DTNBP1: variants seen among roughly 807,000 people sequenced by gnomAD.
DTNBP1 encodes the protein dysbindin.
DTNBP1 carries 35 observed loss-of-function variants against 42.8 expected under a neutral mutation model. That is an observed-to-expected ratio of 0.82 (90% CI 0.63 to 1.09). DTNBP1 has a LOEUF of 1.09. Ranked by LOEUF, DTNBP1 falls within the 50% of genes least tolerant of loss-of-function variation. The probability of loss-of-function intolerance (pLI) is 0.00; values close to 1 mark genes in which losing one functional copy is unlikely to be tolerated. For synonymous variants in DTNBP1, 171 were observed against 162.2 expected (o/e 1.05, Z -0.41); for missense variants, 457 against 424.2 (o/e 1.08, Z -0.68).
intron 7 of DTNBP1, among the ~76,000 whole-genome samples, chr6:15,589,791 G>A (rs952103397): frequency 6.6e-6 from 1 of 151,912 alleles, no homozygotes; most frequent in African/African-American, 2.4e-5. Flanking sequence ...ATTTTCTTTG[G>A]TATCATAATG....
chr6:15,644,652 G>A (rs948668373), intron 3 of DTNBP1, among the ~76,000 whole-genome samples: 1 of 151,990 alleles, frequency 6.6e-6, no homozygotes, highest in Non-Finnish European at 1.5e-5. Flanking sequence ...CAAGTATATG[G>A]AAACTAAACA....
chr6:15,660,571 T>C (rs1304914241), intron 1 of DTNBP1: 1 of 1,287,312 alleles, frequency 7.8e-7, no homozygotes, highest in Non-Finnish European at 1.0e-6. Context: ...TCTCAGGATG[T>C]CTAGCTCCAA....
chr6:15,537,047 G>A (rs1055988471), intron 7 of DTNBP1, among the ~76,000 whole-genome samples: 9 of 152,208 alleles, frequency 5.9e-5, no homozygotes, highest in Non-Finnish European at 1.2e-4. Context: ...TTGTATCTTG[G>A]AAGTAACTAA....
chr6:15,620,066 C>A (rs1009140515), intron 5 of DTNBP1, among the ~76,000 whole-genome samples: 1 of 152,070 alleles, frequency 6.6e-6, no homozygotes, highest in Non-Finnish European at 1.5e-5. Context: ...AATTTGATGA[C>A]AAGCAGTTTA....
At chr6:15,593,130 C>G in intron 6 of DTNBP1, 49 bp from the exon 7 acceptor site, 16 of 1,505,070 alleles carry the variant, frequency 1.1e-5, no homozygotes, top group Non-Finnish European at 1.4e-5. Flanking sequence ...TAAAAATCTC[C>G]CCAATGAAAA....
Position 15,587,760 on chromosome 6 carries a change from A to AT in DTNBP1, c.511+5298_511+5299insA, listed in dbSNP as rs1776139051. On this transcript the variant is annotated intron_variant, in intron 7 of 9. Transcript: ENST00000344537. The surrounding 1 kb of genome is among the most constrained non-coding windows in gnomAD (Gnocchi z 4.1). ...GACAACTGAATATCGATACGTAAAA[A>AT]AATGAAGGTAGACTTTTAACTCACA... 1.3e-5 allele frequency among the ~76,000 whole-genome samples: 2 copies of AT among 152,226 alleles called. No homozygotes were observed. The highest frequency in any genetic ancestry group is 4.8e-5 in the African/African-American group (2 of 41,448).
intron 3 of DTNBP1, among the ~76,000 whole-genome samples, chr6:15,645,192 A>G (rs1339404420): frequency 6.6e-6 from 1 of 152,072 alleles, no homozygotes; most frequent in Admixed American, 6.6e-5. Context: ...GAAATGGATT[A>G]ATTCCTAGAA....
intron 7 of DTNBP1, among the ~76,000 whole-genome samples, chr6:15,566,707 T>C (rs1459543472): frequency 6.6e-6 from 1 of 151,084 alleles, no homozygotes; most frequent in Non-Finnish European, 1.5e-5. Flanking sequence ...TCTCCTTTTT[T>C]TTTTTTTTTT....
intron 7 of DTNBP1, among the ~76,000 whole-genome samples, chr6:15,574,110 C>T (rs1441631308): frequency 6.6e-6 from 1 of 152,220 alleles, no homozygotes; most frequent in Non-Finnish European, 1.5e-5. Context: ...AACAGATACA[C>T]ACACCAGAAC....
At chr6:15,583,041 G>C (rs2113584194) in intron 7 of DTNBP1, among the ~76,000 whole-genome samples, 1 of 152,252 alleles carries the variant, frequency 6.6e-6, no homozygotes, top group Admixed American at 6.5e-5. Context: ...ATGCAGTGGT[G>C]CCATCATAGC....
chr6:15,533,283 C>G lies in DTNBP1; in HGVS notation c.624G>C (p.Glu208Asp). ...FFEEAFQQDM[E>D]QYLSTGYLQI... ...GCAGGTAGCCAGTGGACAGGTACTG[C>G]TCCATGTCCTGCTGGAAGGCTTCCT... Residue 208 changes from glutamate (E) to aspartate (D), a missense_variant, in exon 8 of 10, where the codon GAG becomes GAC. By Grantham distance (45) the Glu-to-Asp change is conservative (BLOSUM62 2). Coordinates refer to ENST00000344537, the MANE Select transcript of DTNBP1 (RefSeq NM_032122.5). 6.2e-7 allele frequency: 1 copy of G among 1,614,194 alleles called. No individual in the cohort carries two copies. The highest frequency in any genetic ancestry group is 8.5e-7 in the Non-Finnish European group (1 of 1,180,032).
At chr6:15,661,039 C>G (rs1299612760) in intron 1 of DTNBP1, among the ~76,000 whole-genome samples, 3 of 152,168 alleles carry the variant, frequency 2.0e-5, no homozygotes, top group Admixed American at 2.0e-4. Flanking sequence ...TGACTCCGAG[C>G]GTCCATAACT....
chr6:15,611,105 ATTCT>A (rs1471498891), intron 6 of DTNBP1, among the ~76,000 whole-genome samples: 2 of 152,226 alleles, frequency 1.3e-5, no homozygotes, highest in Non-Finnish European at 2.9e-5. Context: ...GGACAGTCTG[ATTCT>A]CTTGTTAGGG....
At chr6:15,629,245 G>C (rs1407356222) in intron 4 of DTNBP1, among the ~76,000 whole-genome samples, 1 of 151,916 alleles carries the variant, frequency 6.6e-6, no homozygotes, top group Non-Finnish European at 1.5e-5. Context: ...AATGATTCCT[G>C]CCCTCTTATT....
At chr6:15,636,157 C>CTTTTTTTTTTTTTTTTTTT (rs70996562) in intron 4 of DTNBP1, among the ~76,000 whole-genome samples, 1 of 127,028 alleles carries the variant, frequency 7.9e-6, no homozygotes, top group African/African-American at 3.2e-5. Flanking sequence ...TTACCTGCAC[C>CTTTTTTTTTTTTTTTTTTT]TTTTTTTTTT....
chr6:15,525,163 T>A (rs187031004), intron 8 of DTNBP1, among the ~76,000 whole-genome samples: 14 of 152,292 alleles, frequency 9.2e-5, no homozygotes, highest in Non-Finnish European at 2.9e-5. Flanking sequence ...CCTACATCTG[T>A]AAGCTGTAAG....
At chr6:15,584,937 C>G (rs759886322) in intron 7 of DTNBP1, among the ~76,000 whole-genome samples, 12 of 147,524 alleles carry the variant, frequency 8.1e-5, no homozygotes, top group Non-Finnish European at 1.3e-4. Flanking sequence ...CAGTAAGTTC[C>G]ACAACTTCAA....
intron 7 of DTNBP1, 22 bp downstream of exon 7, chr6:15,593,037 T>C: frequency 6.3e-7 from 1 of 1,579,798 alleles, no homozygotes; most frequent in Non-Finnish European, 8.6e-7. Flanking sequence ...TACTTTAAAG[T>C]GAAGAATTAA....
Position 15,651,355 on chromosome 6 carries a change from G to C in DTNBP1, c.119C>G (p.Pro40Arg). 6.2e-7 allele frequency: 1 copy of C among 1,611,252 alleles called. No homozygotes were observed. Among genetic ancestry groups the C allele is most frequent in the Non-Finnish European group, 8.5e-7 (1 of 1,179,578 alleles). ...AKVKSKPRTV[P>R]FLPKYSAGLE... is the part of the protein sequence containing the mutation. Reference sequence around the variant, plus strand: ...TCCAGCAGAGTACTTTGGCAAAAATGGAACAGTCCTGCCCAAAAGAAACAC... The same window carrying C: ...TCCAGCAGAGTACTTTGGCAAAAATCGAACAGTCCTGCCCAAAAGAAACAC... The change falls in exon 3 of 10, where the codon CCA (proline) becomes CGA (arginine). Residue 40 changes from proline (P) to arginine (R), a missense_variant. Pro to Arg is a moderately radical substitution (Grantham distance 103). Coordinates refer to ENST00000344537, the MANE Select transcript of DTNBP1 (RefSeq NM_032122.5).
Sources: gnomAD v4.1 joint callset for allele counts (sites outside exome capture counted in the v4.1 genomes callset) on GRCh38, gnomAD v4.1.1 for gene constraint, Gnocchi (gnomAD v3.1) non-coding constraint, MANE v1.5 for transcripts, NCBI Gene and HGNC (gene_info 2026-07-23, HGNC 2026-07-21) for gene names.